The following MGAM2 variants were observed in gnomAD, a reference collection of about 807,000 sequenced individuals.
MGAM2 encodes the protein maltase-glucoamylase 2 (putative).
Under a neutral mutation model 96.1 loss-of-function variants are expected in MGAM2, and 98 were observed. The observed-to-expected ratio is 1.02, with a 90% confidence interval of 0.87 to 1.21. The LOEUF (loss-of-function observed/expected upper bound fraction) is 1.21, where lower values mean the gene tolerates loss of function less well. MGAM2 is among the 50% of genes most tolerant of loss of function. The pLI, the probability that MGAM2 is intolerant of heterozygous loss-of-function variation, is 0.00. For missense variants in MGAM2, 2,055 were observed against 1,182.4 expected (o/e 1.74, Z -10.82); for synonymous variants, 749 against 414.8 (o/e 1.81, Z -9.79).
At chr7:142,155,782 G>A (rs1169443602) in intron 17 of MGAM2, among the ~76,000 whole-genome samples, 1 of 152,198 alleles carries the variant, frequency 6.6e-6, no homozygotes. Context: ...AAGCACGTAT[G>A]TCCTTTTGAT....
chr7:142,210,179 C>G (rs2129105127), intron 46 of MGAM2, among the ~76,000 whole-genome samples: 1 of 152,306 alleles, frequency 6.6e-6, no homozygotes, highest in South Asian at 2.1e-4. Context: ...CTACACTTTT[C>G]CCATGGTCTT....
Position 142,221,515 on chromosome 7 carries a change from C to T in MGAM2, c.7004C>T (p.Pro2335Leu), listed in dbSNP as rs1797927178. The T allele has an allele frequency of 3.7e-6, 2 of 544,090 alleles. No individual in the cohort carries two copies. The highest frequency in any genetic ancestry group is 6.4e-6 in the Non-Finnish European group (2 of 310,426). 33.7% of individuals were successfully genotyped at this position (544,090 alleles called of 1,614,324 possible). A position where few individuals can be genotyped will look rare whatever the true frequency, so the allele number is the denominator to read the frequency against. Residue 2335 changes from proline to leucine, a missense_variant, in exon 48 of 48, where the codon CCT becomes CTT. Transcript: ENST00000477922. ...GATAAAATTACTAATTTTACTACCC[C>T]TACAAATGCAAACACCATTATTTTC... ...TTDKITNFTT[P>L]TNANTIIFNT...
At chr7:142,138,971 A>G (rs934824891) in intron 10 of MGAM2, among the ~76,000 whole-genome samples, 2 of 152,194 alleles carry the variant, frequency 1.3e-5, no homozygotes, top group African/African-American at 4.8e-5. Context: ...TGTAAGACTT[A>G]CTTTGGTGGG....
chr7:142,133,528 G>A (rs1418753763), intron 6 of MGAM2, among the ~76,000 whole-genome samples: 1 of 151,910 alleles, frequency 6.6e-6, no homozygotes, highest in Admixed American at 6.6e-5. Flanking sequence ...AGAAGTATTA[G>A]TGTCTGTAAA....
At chr7:142,189,577 T>C (rs1392876363) in intron 37 of MGAM2, 72 bp downstream of exon 37, 6 of 576,510 alleles carry the variant, frequency 1.0e-5, no homozygotes, top group Non-Finnish European at 1.9e-5. Context: ...ATATTTGCAT[T>C]GTGCATGTAT....
At chr7:142,119,972 C>T (rs537112091) in intron 2 of MGAM2, among the ~76,000 whole-genome samples, 335 of 152,224 alleles carry the variant, frequency 2.2e-3, no homozygotes, top group African/African-American at 7.7e-3. Context: ...TTCTGGAATT[C>T]GACAGCGGTC....
At chr7:142,151,121 T>TGTAA (rs1197072280) in intron 15 of MGAM2, among the ~76,000 whole-genome samples, 7 of 152,224 alleles carry the variant, frequency 4.6e-5, no homozygotes, top group Admixed American at 4.6e-4. Flanking sequence ...TCTGCTGGAC[T>TGTAA]GTAAGCTTTT....
chr7:142,167,572 A>G, intron 26 of MGAM2, 86 bp downstream of exon 26: 1 of 672,324 alleles, frequency 1.5e-6, no homozygotes, highest in South Asian at 1.6e-5. Flanking sequence ...GAAACAATTA[A>G]AACATTTTTT....
intron 14 of MGAM2, among the ~76,000 whole-genome samples, chr7:142,146,144 T>G (rs1357361103): frequency 5.5e-4 from 3 of 5,464 alleles, no homozygotes; most frequent in Admixed American, 0.01. Context: ...TTTATCATGT[T>G]TTTTTTTTTT....
chr7:142,213,868 A>G (rs956811201), intron 46 of MGAM2, among the ~76,000 whole-genome samples: 1 of 152,220 alleles, frequency 6.6e-6, no homozygotes, highest in African/African-American at 2.4e-5. Context: ...ATAAAAAAAG[A>G]AAATTTCAGG....
intron 10 of MGAM2, among the ~76,000 whole-genome samples, chr7:142,139,541 A>G (rs183874428): frequency 6.6e-6 from 1 of 151,848 alleles, no homozygotes; most frequent in Non-Finnish European, 1.5e-5. Context: ...CATGCCTGTA[A>G]TCCCAGCTAC....
At chr7:142,113,870 G>A (rs1004216767) in intron 1 of MGAM2, among the ~76,000 whole-genome samples, 2 of 152,088 alleles carry the variant, frequency 1.3e-5, no homozygotes, top group African/African-American at 4.8e-5. Flanking sequence ...GGTGCCTCAC[G>A]CAGGTAATCC....
rs781757186 is a variant in MGAM2, at chr7:142,172,715, A to G, written c.3512A>G (p.Tyr1171Cys). The G allele has an allele frequency of 1.6e-5, 11 of 704,522 alleles. No homozygotes were observed. Among genetic ancestry groups the G allele is most frequent in the South Asian group, 1.5e-4 (10 of 67,620 alleles). The allele number at this position is 704,522 out of a possible 1,614,324, so 43.6% of individuals were successfully genotyped here. ...ACCACAGGAGGGATTTTGGACTTCT[A>G]CATTGTTTTGGGGCCAACCCCTGAA... ...YRTTGGILDF[Y>C]IVLGPTPELV... The change falls in exon 30 of 48, where the codon TAC (tyrosine) becomes TGC (cysteine). Residue 1171 changes from tyrosine (Y) to cysteine (C), a missense_variant. Physicochemically the swap from Tyr to Cys is radical, Grantham distance 194. Coordinates refer to ENST00000477922, the MANE Select transcript of MGAM2 (RefSeq NM_001293626.2).
chr7:142,124,131 C>A (rs1490137766), intron 3 of MGAM2, among the ~76,000 whole-genome samples: 3 of 151,982 alleles, frequency 2.0e-5, no homozygotes, highest in African/African-American at 7.2e-5. Context: ...CGCTATCATG[C>A]CTGGCTAATT....
intron 3 of MGAM2, among the ~76,000 whole-genome samples, chr7:142,121,629 T>C (rs1328723772): frequency 6.6e-6 from 1 of 151,468 alleles, no homozygotes; most frequent in Admixed American, 6.6e-5. Flanking sequence ...GCTTCTTTTA[T>C]TATAATGCTT....
At chr7:142,150,496 C>T (rs913728556) in intron 15 of MGAM2, among the ~76,000 whole-genome samples, 1 of 152,052 alleles carries the variant, frequency 6.6e-6, no homozygotes, top group African/African-American at 2.4e-5. Context: ...CTGACTTTAC[C>T]CTTATCTCCC....
chr7:142,160,690 G>C (rs1016867213), intron 21 of MGAM2, among the ~76,000 whole-genome samples: 1 of 151,172 alleles, frequency 6.6e-6, no homozygotes, highest in African/African-American at 2.4e-5. Flanking sequence ...CTACATACTA[G>C]ATGTGTTTAC....
In MGAM2 at chr7:142,120,558, A is replaced by C. The variant is rs534313220; in HGVS notation, c.186+177A>C. Among the ~76,000 whole-genome samples the C allele has an allele frequency of 9.1e-4, 138 of 152,262 alleles. 1 individual carries two copies. The highest frequency in any genetic ancestry group is 1.4e-3 in the Non-Finnish European group (95 of 68,016). ...TAAGATCGTGAGGGAAGCAGGGTTG[A>C]AAAAAAGGAAGAGTAGGAAAAGCTA... On this transcript the variant is annotated intron_variant, in intron 3 of 47. Coordinates refer to ENST00000477922, the MANE Select transcript of MGAM2 (RefSeq NM_001293626.2).
Position 142,131,961 on chromosome 7 carries a change from G to A in MGAM2, c.451G>A (p.Val151Ile), listed in dbSNP as rs904558779. The change falls in exon 6 of 48, where the codon GTT becomes ATT. Residue 151 changes from valine (V) to isoleucine (I), a missense_variant. By Grantham distance (29) the Val-to-Ile change is conservative. Coordinates refer to ENST00000477922, the MANE Select transcript of MGAM2 (RefSeq NM_001293626.2). ...ITDFNNIRYE[V>I]SHENINLVDG... ...TGACTTTAATAACATACGCTATGAA[G>A]TTTCCCATGAAAATATTAACCTGGT... 3 of 702,724 alleles carry A rather than the reference G, an allele frequency of 4.3e-6. No individual in the cohort carries two copies. Among genetic ancestry groups the A allele is most frequent in the Middle Eastern group, 2.3e-4 (1 of 4,368 alleles). The allele number at this position is 702,724 out of a possible 1,614,324, so 43.5% of individuals were successfully genotyped here. A position where few individuals can be genotyped will look rare whatever the true frequency, so the allele number is the denominator to read the frequency against.
Sources: allele counts gnomAD v4.1 joint callset (sites outside exome capture counted in the v4.1 genomes callset), GRCh38; gene constraint gnomAD v4.1.1; transcripts MANE v1.5; gene names NCBI Gene and HGNC (gene_info 2026-07-23, HGNC 2026-07-21).